USP42: variants seen among roughly 807,000 people sequenced by gnomAD.
USP42 encodes the protein ubiquitin carboxyl-terminal hydrolase 42.
USP42 carries 23 observed loss-of-function variants against 113.0 expected under a neutral mutation model. That is an observed-to-expected ratio of 0.20 (90% CI 0.15 to 0.29). The LOEUF (loss-of-function observed/expected upper bound fraction) is 0.29. USP42 is among the 10% of genes least tolerant of loss of function. The pLI, the probability that USP42 is intolerant of heterozygous loss-of-function variation, is 1.00. For synonymous variants in USP42, 933 were observed against 699.0 expected (o/e 1.33, Z -5.28); for missense variants, 2,174 against 1,779.8 (o/e 1.22, Z -3.99).
rs146316042 is a variant in USP42 at position 6,137,450 on chromosome 7, T to A, written c.553+1499T>A. ...CTTGGCTCACTACAACCTCTGCCTC[T>A]CAGGTTCAAGTGATTCTTCTGCCTC... On this transcript the variant is annotated intron_variant, in intron 4 of 17. Transcript: ENST00000306177. 5.6e-4 allele frequency among the ~76,000 whole-genome samples: 86 copies of A among 152,274 alleles called. 1 individual carries two copies. In the East Asian group the frequency reaches 0.016, roughly 28 times the overall value.
intron 2 of USP42, among the ~76,000 whole-genome samples, chr7:6,114,718 T>A (rs1779817259): frequency 8.2e-6 from 1 of 122,584 alleles, no homozygotes; most frequent in Admixed American, 9.2e-5. Context: ...AGACGGAGTC[T>A]CTCGCTCTGT....
At position 6,111,198 on chromosome 7, in the gene USP42, G is replaced by A. The variant is rs767241358; in HGVS notation, c.65G>A (p.Ser22Asn). ...DPSAYQNQPGSSEAVSPGDMD... is the reference protein window; with the variant it reads ...DPSAYQNQPGNSEAVSPGDMD... Reference sequence around the variant, plus strand: ...TCAGCCTATCAGAATCAGCCTGGCAGCTCCGAGGCAGTCTCACCTGGAGAC... The same window carrying A: ...TCAGCCTATCAGAATCAGCCTGGCAACTCCGAGGCAGTCTCACCTGGAGAC... The change falls in exon 2 of 18, where the codon AGC (serine) becomes AAC (asparagine). Residue 22 changes from serine to asparagine, a missense_variant. Transcript: ENST00000306177. 17 of 1,611,968 alleles carry A rather than the reference G, an allele frequency of 1.1e-5. No homozygotes were observed. In the South Asian group the frequency reaches 1.4e-4, roughly 14 times the overall value.
At chr7:6,153,356 A>G (rs1224030086) in intron 14 of USP42, among the ~76,000 whole-genome samples, 2 of 152,136 alleles carry the variant, frequency 1.3e-5, no homozygotes, top group Non-Finnish European at 2.9e-5. Context: ...AGAAACAGGA[A>G]GAGCCTAGAA....
rs1171481621 is a variant in USP42, at chr7:6,123,022, G to A, written c.442+7499G>A. On this transcript the variant is annotated intron_variant, in intron 3 of 17. Transcript: ENST00000306177. The stretch of plus-strand genomic sequence containing the variant: ...TATTTTTTAGTAGTGATGGGGTTTC[G>A]CCCGTGTTGGCTAGGCTGGTCTCAA... Among the ~76,000 whole-genome samples the A allele has an allele frequency of 4.0e-5, 6 of 150,862 alleles. No homozygotes were observed. The East Asian group carries it at 6.0e-4, about 15-fold the overall frequency.
At chr7:6,111,006 G>C in intron 1 of USP42, 119 bp from the exon 2 acceptor site, 2 of 987,834 alleles carry the variant, frequency 2.0e-6, no homozygotes, top group Non-Finnish European at 2.9e-6. Context: ...TTATATTTGA[G>C]TGATGTGTTT....
chr7:6,159,325 G>A lies in USP42; in HGVS notation c.3944-125G>A, dbSNP rs1782637370. ...ATCCCTGCTCACCTCACTGGGGAGTGGCCTCAGGCGCTCACAGGGAACCGC... is the reference window on the plus strand; with the variant it reads ...ATCCCTGCTCACCTCACTGGGGAGTAGCCTCAGGCGCTCACAGGGAACCGC... On this transcript the variant is annotated intron_variant, in intron 16 of 17. Transcript: ENST00000306177. This position sits in a 1 kb window ranked among gnomAD's most constrained non-coding sequence, Gnocchi z 4.1. 8.1e-7 allele frequency: 1 copy of A among 1,238,476 alleles called. No homozygotes were observed. Among genetic ancestry groups the A allele is most frequent in the Admixed American group, 1.9e-5 (1 of 51,380 alleles). The allele number at this position is 1,238,476 out of a possible 1,614,324, so 76.7% of individuals were successfully genotyped here.
rs950988952 is a variant in USP42, at chr7:6,145,179, A to G, written c.991-337A>G. 1.2e-4 allele frequency among the ~76,000 whole-genome samples: 18 copies of G among 151,182 alleles called. No individual in the cohort carries two copies. The South Asian group carries it at 3.4e-3, about 28-fold the overall frequency. On this transcript the variant is annotated intron_variant, in intron 9 of 17. Coordinates refer to ENST00000306177, the MANE Select transcript of USP42 (RefSeq NM_032172.3). Reference sequence around the variant, plus strand: ...AAACCCCTGTCTCTACTAAAAATACAAAAATTAGCTGGGCGTGGTGGCGCA... The same window carrying G: ...AAACCCCTGTCTCTACTAAAAATACGAAAATTAGCTGGGCGTGGTGGCGCA...
intron 14 of USP42, among the ~76,000 whole-genome samples, chr7:6,151,474 T>G (rs986379921): frequency 6.6e-6 from 1 of 152,224 alleles, no homozygotes; most frequent in African/African-American, 2.4e-5. Context: ...AGTCTCGCTG[T>G]GTCACCAGGC....
intron 5 of USP42, 95 bp from the exon 6 acceptor site, chr7:6,140,033 G>A (rs1463065851): frequency 3.5e-6 from 4 of 1,140,596 alleles, no homozygotes; most frequent in African/African-American, 3.0e-5. Flanking sequence ...TTGAATTCTT[G>A]ATCTTTTGTG....
At chr7:6,113,128 C>T (rs549514281) in intron 2 of USP42, among the ~76,000 whole-genome samples, 77 of 152,060 alleles carry the variant, frequency 5.1e-4, no homozygotes, top group East Asian at 1.4e-3. Flanking sequence ...TGGTTTCAAA[C>T]TTATAATCCA....
Position 6,157,272 on chromosome 7 carries a change from G to A in USP42, c.3943+217G>A. 1 of 1,305,876 alleles carries A rather than the reference G, an allele frequency of 7.7e-7. No homozygotes were observed. The highest frequency in any genetic ancestry group is 9.7e-7 in the Non-Finnish European group (1 of 1,030,296). The allele number at this position is 1,305,876 out of a possible 1,614,324, so 80.9% of individuals were successfully genotyped here. A position where few individuals can be genotyped will look rare whatever the true frequency, so the allele number is the denominator to read the frequency against. On this transcript the variant is annotated intron_variant, in intron 16 of 17. Transcript: ENST00000306177. The surrounding 1 kb of genome is among the most constrained non-coding windows in gnomAD (Gnocchi z 4.1). ...CTTAGCGTTTATTGAAGGCCTAAGT[G>A]ACACAGGACTGAGGGCAGCACTACC...
In USP42 at chr7:6,161,432, T is replaced by G. The variant is rs1782783691; in HGVS notation, c.*914T>G. On this transcript the variant is annotated 3_prime_UTR_variant, in exon 18 of 18. Transcript: ENST00000306177. ...GTTTGTATCTGAATAATCTGTATGG[T>G]TTATACAGTTTGTGTTGTTCAGAGA... 1 of 152,626 alleles carries G rather than the reference T, an allele frequency of 6.6e-6. No individual in the cohort carries two copies. Among genetic ancestry groups the G allele is most frequent in the Non-Finnish European group, 1.5e-5 (1 of 68,042 alleles). The allele number at this position is 152,626 out of a possible 1,614,324, so 9.5% of individuals were successfully genotyped here. A position where few individuals can be genotyped will look rare whatever the true frequency, so the allele number is the denominator to read the frequency against.
upstream of USP42, among the ~76,000 whole-genome samples, chr7:6,103,563 G>A (rs1182418713): frequency 1.3e-5 from 2 of 149,876 alleles, no homozygotes; most frequent in Admixed American, 6.6e-5. Context: ...CTCAGTGTGT[G>A]AGTCTGATGG....
chr7:6,116,317 A>C (rs1408318942), intron 3 of USP42, among the ~76,000 whole-genome samples: 3 of 152,204 alleles, frequency 2.0e-5, no homozygotes, highest in African/African-American at 7.2e-5. Context: ...TCTTCAACCT[A>C]CATGGCAGGA....
the USP42 span, among the ~76,000 whole-genome samples, chr7:6,092,020 C>CTTTTCTTCTTCTTCTTCTTCTT: frequency 2.8e-5 from 3 of 106,922 alleles, no homozygotes; most frequent in Non-Finnish European, 5.9e-5. Flanking sequence ...TCTTCTTCTT[C>CTTTTCTTCTTCTTCTTCTTCTT]TTCTTCTTCT....
At chr7:6,137,692 A>G (rs1169882062) in intron 4 of USP42, among the ~76,000 whole-genome samples, 2 of 149,598 alleles carry the variant, frequency 1.3e-5, no homozygotes, top group Non-Finnish European at 3.0e-5. Flanking sequence ...TTATTCATTT[A>G]TTTTTGAGAT....
In USP42 at chr7:6,139,868, T is replaced by C; in HGVS notation, c.657-260T>C. Reference sequence around the variant, plus strand: ...CCATCTTCCTGCTTCAGGACCAGACTCCTGCCTTGCTTCCCGAGTCCCTTC... The same window carrying C: ...CCATCTTCCTGCTTCAGGACCAGACCCCTGCCTTGCTTCCCGAGTCCCTTC... On this transcript the variant is annotated intron_variant, in intron 5 of 17. Coordinates refer to ENST00000306177, the MANE Select transcript of USP42 (RefSeq NM_032172.3). The surrounding 1 kb of genome is among the most constrained non-coding windows in gnomAD (Gnocchi z 4.5). 1 of 537,482 alleles carries C rather than the reference T, an allele frequency of 1.9e-6. No homozygotes were observed. The allele number at this position is 537,482 out of a possible 1,614,324, so 33.3% of individuals were successfully genotyped here.
Position 6,140,208 on chromosome 7 carries a change from T to C in USP42, c.724+13T>C. The C allele has an allele frequency of 6.2e-7, 1 of 1,608,012 alleles. No homozygotes were observed. The highest frequency in any genetic ancestry group is 8.5e-7 in the Non-Finnish European group (1 of 1,174,746). On this transcript the variant is annotated intron_variant, in intron 6 of 17. Coordinates refer to ENST00000306177, the MANE Select transcript of USP42 (RefSeq NM_032172.3). ...CTAAGATCTAGAGGTAAGCTTTTGC[T>C]TATAAGTTGATAAAATGATACACAC... is the stretch of plus-strand genomic sequence containing the variant.
chr7:6,114,994 A>G (rs937126853), intron 2 of USP42, among the ~76,000 whole-genome samples: 2 of 151,786 alleles, frequency 1.3e-5, no homozygotes, highest in African/African-American at 4.8e-5. Flanking sequence ...CCGGCCCTAT[A>G]TATATATTTT....
Sources: allele counts gnomAD v4.1 joint callset (sites outside exome capture counted in the v4.1 genomes callset), GRCh38; gene constraint gnomAD v4.1.1; non-coding constraint Gnocchi (gnomAD v3.1); transcripts MANE v1.5; gene names NCBI Gene and HGNC (gene_info 2026-07-23, HGNC 2026-07-21).